The following CELSR2 variants were observed in gnomAD, a reference collection of about 807,000 sequenced individuals.
CELSR2 encodes cadherin EGF LAG seven-pass G-type receptor 2.
Under a neutral mutation model 251.6 loss-of-function variants are expected in CELSR2, and 81 were observed. That is an observed-to-expected ratio of 0.32 (90% CI 0.27 to 0.39). CELSR2 has a LOEUF of 0.39. CELSR2 is among the 10% of genes least tolerant of loss of function. The pLI is 1.00. For missense variants in CELSR2, 3,365 were observed against 3,947.7 expected (o/e 0.85, Z 3.96); for synonymous variants, 1,721 against 1,670.5 (o/e 1.03, Z -0.74).
Position 109,270,803 on chromosome 1 carries a change from G to A in CELSR2, c.7484-124G>A, listed in dbSNP as rs1020399439. On this transcript the variant is annotated intron_variant, in intron 24 of 33. Transcript: ENST00000271332. Reference sequence around the variant, plus strand: ...CCTTATCCTGGGGAGATCGGTAGGGGCCGATGGTGGGCAGAACCCTTTTCC... The same window carrying A: ...CCTTATCCTGGGGAGATCGGTAGGGACCGATGGTGGGCAGAACCCTTTTCC... 8 of 978,340 alleles carry A rather than the reference G, an allele frequency of 8.2e-6. No homozygotes were observed. In the African/African-American group the frequency reaches 1.1e-4, roughly 14 times the overall value. 60.6% of individuals were successfully genotyped at this position (978,340 alleles called of 1,614,324 possible).
intron 2 of CELSR2, among the ~76,000 whole-genome samples, chr1:109,259,612 C>G (rs1451845557): frequency 6.6e-6 from 1 of 152,148 alleles, no homozygotes; most frequent in African/African-American, 2.4e-5. Context: ...TGGTCTCTCC[C>G]CCACTGAGCG....
Position 109,264,163 on chromosome 1 carries a change from A to G in CELSR2, c.5087A>G (p.Asp1696Gly). 1.2e-6 allele frequency: 2 copies of G among 1,611,320 alleles called. No individual in the cohort carries two copies. The highest frequency in any genetic ancestry group is 1.7e-6 in the Non-Finnish European group (2 of 1,178,324). ...SLRLEPGRANDGDWHHAQLAL... is the reference protein window; with the variant it reads ...SLRLEPGRANGGDWHHAQLAL... ...CGTCTGGAGCCAGGCCGGGCCAATG[A>G]CGGTGACTGGCACCATGCACAGCTG... Residue 1696 changes from aspartate to glycine, a missense_variant, in exon 10 of 34, where the codon GAC (aspartate) becomes GGC (glycine). Asp to Gly is a moderately conservative substitution (Grantham distance 94). This residue lies in a region of CELSR2 where 2,093 missense variants were observed against 2,382.8 expected (regional missense o/e 0.88). Coordinates refer to ENST00000271332, the MANE Select transcript of CELSR2 (RefSeq NM_001408.3).
At chr1:109,253,431 C>T (rs2359414) in intron 1 of CELSR2, 42 bp downstream of exon 1, 405,808 of 1,574,874 alleles carry the variant, frequency 0.26, 53,632 homozygotes, top group East Asian at 0.43. Flanking sequence ...GGGTAGCTCG[C>T]GGGGATGGTC....
chr1:109,260,164 G>A (rs1168234603), intron 2 of CELSR2, among the ~76,000 whole-genome samples: 1 of 142,688 alleles, frequency 7.0e-6, no homozygotes, highest in Non-Finnish European at 1.5e-5. Flanking sequence ...TTGTCCAGGA[G>A]GATGGTGGGG....
In CELSR2 at chr1:109,253,403, C is replaced by G; in HGVS notation, c.3310+14C>G. ...TGCTGGTGTCAGGTAAGGAAGGGCC[C>G]AGGTGGCGCTGGGGTGGGGGTAGCT... On this transcript the variant is annotated intron_variant, in intron 1 of 33. Transcript: ENST00000271332. 5 of 1,607,174 alleles carry G rather than the reference C, an allele frequency of 3.1e-6. No individual in the cohort carries two copies. The highest frequency in any genetic ancestry group is 4.2e-6 in the Non-Finnish European group (5 of 1,177,206).
At position 109,275,080 on chromosome 1, in the gene CELSR2, T is replaced by G. The variant is rs1169539810; in HGVS notation, c.*1031T>G. ...CTAACCTGCTGTGGCCTCTGAGACA[T>G]GTTCTATTTTTAACCCCTTCTTGGA... On this transcript the variant is annotated 3_prime_UTR_variant, in exon 34 of 34. Transcript: ENST00000271332. 6.6e-6 allele frequency: 1 copy of G among 152,536 alleles called. No homozygotes were observed. The highest frequency in any genetic ancestry group is 2.4e-5 in the African/African-American group (1 of 41,424). The allele number at this position is 152,536 out of a possible 1,614,324, so 9.4% of individuals were successfully genotyped here. A position where few individuals can be genotyped will look rare whatever the true frequency, so the allele number is the denominator to read the frequency against.
chr1:109,274,547 G>A lies in CELSR2; in HGVS notation c.*498G>A, dbSNP rs1043850089. 21 of 172,064 alleles carry A rather than the reference G, an allele frequency of 1.2e-4. No homozygotes were observed. The highest frequency in any genetic ancestry group is 2.9e-3 in the Middle Eastern group (1 of 342). 10.7% of individuals were successfully genotyped at this position (172,064 alleles called of 1,614,324 possible). Reference sequence around the variant, plus strand: ...CCAAAAGGAAAGGACAAAGCCACACGCAGCCAGGGCTTCACACCCTTCAGG... The same window carrying A: ...CCAAAAGGAAAGGACAAAGCCACACACAGCCAGGGCTTCACACCCTTCAGG... On this transcript the variant is annotated 3_prime_UTR_variant, in exon 34 of 34. Transcript: ENST00000271332.
At chr1:109,255,155 A>G (rs1035292385) in intron 1 of CELSR2, among the ~76,000 whole-genome samples, 2 of 152,156 alleles carry the variant, frequency 1.3e-5, no homozygotes, top group African/African-American at 4.8e-5. Context: ...CCTTGGAGGC[A>G]GTCACCACGG....
intron 11 of CELSR2, 60 bp from the exon 12 acceptor site, chr1:109,264,808 A>G: frequency 5.6e-6 from 9 of 1,612,116 alleles, no homozygotes; most frequent in Middle Eastern, 3.3e-4. Flanking sequence ...GAAGGGTTTG[A>G]TGGAAGATGG....
In CELSR2 at chr1:109,265,915, G is replaced by A. The variant is rs758877676; in HGVS notation, c.5908G>A (p.Glu1970Lys). The A allele has an allele frequency of 1.9e-6, 3 of 1,610,452 alleles. No individual in the cohort carries two copies. In the Admixed American group the frequency reaches 5.0e-5, roughly 27 times the overall value. The change falls in exon 14 of 34, where the codon GAA (glutamate) becomes AAA (lysine). Residue 1970 changes from glutamate to lysine, a missense_variant. Glu to Lys is a moderately conservative substitution (Grantham distance 56, BLOSUM62 1). This residue lies in a region of CELSR2 where 2,093 missense variants were observed against 2,382.8 expected (regional missense o/e 0.88). Coordinates refer to ENST00000271332, the MANE Select transcript of CELSR2 (RefSeq NM_001408.3). The part of the protein sequence containing the change: ...PFAEVTTNGC[E>K]VNYDSCPRAI... ...TGCTGAGGTCACCACCAATGGCTGT[G>A]AAGGTGGGGCTCCTGGGATGGGTGG...
Position 109,250,441 on chromosome 1 carries a change from G to A in CELSR2, c.362G>A (p.Gly121Asp), listed in dbSNP as rs757738506. The change falls in exon 1 of 34, where the codon GGC (glycine) becomes GAC (aspartate). Residue 121 changes from glycine to aspartate, a missense_variant. Gly to Asp is a moderately conservative substitution (Grantham distance 94). Around this residue, in one of 5 missense-constraint regions of CELSR2, gnomAD observed 704 missense variants for 784.1 expected, o/e 0.90. Coordinates refer to ENST00000271332, the MANE Select transcript of CELSR2 (RefSeq NM_001408.3). The surrounding 1 kb of genome is among the most constrained non-coding windows in gnomAD (Gnocchi z 4.4). ...AGCTGTCGCCTCCTGGGCATTGGAG[G>A]CCACCTTTCCCCACAGGGCAAGCTC... is the stretch of plus-strand genomic sequence containing the variant. ...PWSCRLLGIG[G>D]HLSPQGKLTL... 19 of 1,613,718 alleles carry A rather than the reference G, an allele frequency of 1.2e-5. No individual in the cohort carries two copies. Among genetic ancestry groups the A allele is most frequent in the Non-Finnish European group, 1.6e-5 (19 of 1,180,020 alleles).
In CELSR2 at chr1:109,252,174, G is replaced by A; in HGVS notation, c.2095G>A (p.Val699Met). ...DGTRQDTAQIVVNVTDANTHR... is the reference protein window; with the variant it reads ...DGTRQDTAQIMVNVTDANTHR... ...CACTCGGCAGGACACGGCACAGATT[G>A]TGGTGAATGTCACCGACGCCAACAC... Residue 699 changes from valine (V) to methionine (M), a missense_variant, in exon 1 of 34, where the codon GTG becomes ATG. Coordinates refer to ENST00000271332, the MANE Select transcript of CELSR2 (RefSeq NM_001408.3). This position sits in a 1 kb window ranked among gnomAD's most constrained non-coding sequence, Gnocchi z 4.8. 1 of 1,613,924 alleles carries A rather than the reference G, an allele frequency of 6.2e-7. No homozygotes were observed. Among genetic ancestry groups the A allele is most frequent in the East Asian group, 2.2e-5 (1 of 44,880 alleles).
rs551966009 is a variant in CELSR2, at chr1:109,257,285, C to T, written c.3311-1147C>T. ...GGAGGATCGCTTGAGCCCAGGAGTT[C>T]GAGGCTACAGTGAGCTATGATCGTG... On this transcript the variant is annotated intron_variant, in intron 1 of 33. Coordinates refer to ENST00000271332, the MANE Select transcript of CELSR2 (RefSeq NM_001408.3). 3.3e-4 allele frequency among the ~76,000 whole-genome samples: 49 copies of T among 149,422 alleles called. 1 individual carries two copies. The highest frequency in any genetic ancestry group is 6.9e-3 in the Middle Eastern group (2 of 290).
intron 17 of CELSR2, 129 bp from the exon 18 acceptor site, chr1:109,268,452 G>A: frequency 8.0e-7 from 1 of 1,251,596 alleles, no homozygotes; most frequent in Non-Finnish European, 1.1e-6. Flanking sequence ...TTTCAGGGGA[G>A]GCAACAGTGA....
At position 109,258,869 on chromosome 1, in the gene CELSR2, G is replaced by A. The variant is rs781511948; in HGVS notation, c.3748G>A (p.Asp1250Asn). Residue 1250 changes from aspartate (D) to asparagine (N), a missense_variant, in exon 2 of 34, where the codon GAC becomes AAC. Physicochemically the swap from Asp to Asn is conservative, Grantham distance 23. Around this residue, in one of 5 missense-constraint regions of CELSR2, gnomAD observed 2,093 missense variants for 2,382.8 expected, o/e 0.88. Coordinates refer to ENST00000271332, the MANE Select transcript of CELSR2 (RefSeq NM_001408.3). ...YMRCVSVLRF[D>N]SSAPFIASSS... ...GCGCTGCGTGTCGGTGCTGCGCTTC[G>A]ACTCCTCCGCGCCCTTCATCGCCTC... 9 of 1,612,360 alleles carry A rather than the reference G, an allele frequency of 5.6e-6. No homozygotes were observed. In the South Asian group the frequency reaches 7.7e-5, roughly 14 times the overall value.
intron 11 of CELSR2, 33 bp downstream of exon 11, chr1:109,264,661 A>G: frequency 6.2e-7 from 1 of 1,600,248 alleles, no homozygotes; most frequent in Admixed American, 1.7e-5. Flanking sequence ...CGGGCAGGTT[A>G]TCAGGTGCCT....
intron 25 of CELSR2, 69 bp from the exon 26 acceptor site, chr1:109,271,148 G>T (rs1480187375): frequency 5.2e-6 from 8 of 1,548,064 alleles, no homozygotes; most frequent in Non-Finnish European, 7.1e-6. Flanking sequence ...CTGAGGCCAC[G>T]GGGCCCTGTG....
Position 109,261,821 on chromosome 1 carries a change from C to G in CELSR2, c.4311C>G (p.Thr1437=), listed in dbSNP as rs1289846704. 1 of 1,593,196 alleles carries G rather than the reference C, an allele frequency of 6.3e-7. No homozygotes were observed. The highest frequency in any genetic ancestry group is 2.3e-5 in the East Asian group (1 of 43,796). The stretch of plus-strand genomic sequence containing the variant: ...TCCTTTCCCCAGGGGAGTCAACCAC[C>G]ACGGTGTCCCCATTCGTGCCCGGAG... ...QLTFSAGEST[T]TVSPFVPGGV... is the part of the protein sequence containing the mutation. The change falls in exon 5 of 34, where the codon ACC becomes ACG. Residue 1437 remains threonine (T), a synonymous_variant. Transcript: ENST00000271332. This position sits in a 1 kb window ranked among gnomAD's most constrained non-coding sequence, Gnocchi z 4.8.
chr1:109,251,846 A>C lies in CELSR2; in HGVS notation c.1767A>C (p.Ala589=), dbSNP rs1307932760. 4 of 1,613,966 alleles carry C rather than the reference A, an allele frequency of 2.5e-6. No individual in the cohort carries two copies. The highest frequency in any genetic ancestry group is 3.4e-6 in the Non-Finnish European group (4 of 1,179,980). The change falls in exon 1 of 34, where the codon GCA becomes GCC. Residue 589 remains alanine, a synonymous_variant. Coordinates refer to ENST00000271332, the MANE Select transcript of CELSR2 (RefSeq NM_001408.3). This position sits in a 1 kb window ranked among gnomAD's most constrained non-coding sequence, Gnocchi z 4.9. ...AAGCTCGAGACCATGGCACTCCAGC[A>C]CTCACTGCCTCGGCCAGTGTCAGCG... The part of the protein sequence containing the change: ...GVEARDHGTP[A]LTASASVSVT...
Sources: allele counts gnomAD v4.1 joint callset (sites outside exome capture counted in the v4.1 genomes callset), GRCh38; gene constraint gnomAD v4.1.1; regional missense constraint gnomAD v4.1.1; non-coding constraint Gnocchi (gnomAD v3.1); transcripts MANE v1.5; gene names NCBI Gene and HGNC (gene_info 2026-07-23, HGNC 2026-07-21).